The following SHISA6 variants were observed in gnomAD, a reference collection of about 807,000 sequenced individuals.
SHISA6 encodes shisa family member 6.
SHISA6 carries 22 observed loss-of-function variants against 47.9 expected under a neutral mutation model. The ratio of observed to expected loss-of-function variants is 0.46; its 90% CI spans 0.33 to 0.66. The LOEUF is 0.66. Among genes scored for constraint, SHISA6 ranks in the 30% least tolerant of loss-of-function variants. The pLI, the probability that SHISA6 is intolerant of heterozygous loss-of-function variation, is 0.02. For synonymous variants in SHISA6, 388 were observed against 337.8 expected (o/e 1.15, Z -1.63); for missense variants, 680 against 764.6 (o/e 0.89, Z 1.30).
intron 3 of SHISA6, among the ~76,000 whole-genome samples, chr17:11,550,185 G>C (rs909562228): frequency 6.6e-6 from 1 of 152,024 alleles, no homozygotes; most frequent in African/African-American, 2.4e-5. Context: ...CTCCCAAGTA[G>C]CTGGGATTAC....
intron 3 of SHISA6, among the ~76,000 whole-genome samples, chr17:11,524,167 A>G (rs1323220080): frequency 6.6e-6 from 1 of 152,194 alleles, no homozygotes; most frequent in Non-Finnish European, 1.5e-5. Context: ...CACTTCTGCC[A>G]TCTGGTAATA....
intron 3 of SHISA6, among the ~76,000 whole-genome samples, chr17:11,417,023 G>A (rs1425014316): frequency 1.3e-5 from 2 of 152,046 alleles, no homozygotes; most frequent in Non-Finnish European, 2.9e-5. Context: ...AAAATCAAAT[G>A]AAATAATTAA....
At chr17:11,405,758 G>A (rs947096371) in intron 3 of SHISA6, among the ~76,000 whole-genome samples, 1 of 151,618 alleles carries the variant, frequency 6.6e-6, no homozygotes, top group Non-Finnish European at 1.5e-5. Flanking sequence ...TCGAGACCAC[G>A]TTCTAGCCTG....
chr17:11,310,490 A>T (rs989483432), intron 2 of SHISA6, among the ~76,000 whole-genome samples: 12 of 152,158 alleles, frequency 7.9e-5, no homozygotes, highest in African/African-American at 2.9e-4. Flanking sequence ...GAGTTGTTTG[A>T]GGAACATCAA....
At position 11,563,014 on chromosome 17, in the gene SHISA6, ACT is replaced by A. The variant is rs1458279351; in HGVS notation, c.*4711_*4712del. On this transcript the variant is annotated 3_prime_UTR_variant, in exon 6 of 6. Coordinates refer to ENST00000441885, the MANE Select transcript of SHISA6 (RefSeq NM_207386.4). The stretch of plus-strand genomic sequence containing the variant: ...AGACACACCTAAACCATCCTAAGTG[ACT>A]GTGGAATTCTGGGGAATTCTGAGTT... 6.6e-6 allele frequency: 1 copy of A among 150,458 alleles called. No individual in the cohort carries two copies. Among genetic ancestry groups the A allele is most frequent in the African/African-American group, 2.5e-5 (1 of 39,718 alleles). The allele number at this position is 150,458 out of a possible 1,614,324, so 9.3% of individuals were successfully genotyped here.
At chr17:11,466,843 C>A (rs1270609788) in intron 3 of SHISA6, among the ~76,000 whole-genome samples, 1 of 152,176 alleles carries the variant, frequency 6.6e-6, no homozygotes, top group Non-Finnish European at 1.5e-5. Context: ...AGACCACCCC[C>A]TGTAACCCAT....
chr17:11,374,234 G>A (rs780687167), intron 2 of SHISA6, among the ~76,000 whole-genome samples: 10 of 151,852 alleles, frequency 6.6e-5, no homozygotes, highest in Non-Finnish European at 1.2e-4. Context: ...TTTTTTAATT[G>A]GGTTGTTTAC....
intron 2 of SHISA6, among the ~76,000 whole-genome samples, chr17:11,335,943 T>C (rs893960699): frequency 2.6e-5 from 4 of 151,966 alleles, no homozygotes; most frequent in African/African-American, 4.8e-5. Context: ...ACACCTGTAG[T>C]CCCAGCACTT....
At chr17:11,507,883 C>T (rs1203671745) in intron 3 of SHISA6, among the ~76,000 whole-genome samples, 1 of 152,202 alleles carries the variant, frequency 6.6e-6, no homozygotes, top group African/African-American at 2.4e-5. Flanking sequence ...TGTTCAAATT[C>T]CATTTAGTGT....
intron 3 of SHISA6, among the ~76,000 whole-genome samples, chr17:11,482,833 T>G (rs1916253932): frequency 6.6e-6 from 1 of 152,218 alleles, no homozygotes; most frequent in South Asian, 2.1e-4. Context: ...CATTAGGTAC[T>G]GCTTCATTAA....
intron 2 of SHISA6, among the ~76,000 whole-genome samples, chr17:11,314,500 A>T (rs533264542): frequency 1.3e-5 from 2 of 151,054 alleles, no homozygotes; most frequent in East Asian, 3.9e-4. Context: ...TTCACTGTGT[A>T]CTTTTACGTC....
chr17:11,519,289 A>G (rs552869752), intron 3 of SHISA6, among the ~76,000 whole-genome samples: 3 of 152,334 alleles, frequency 2.0e-5, no homozygotes, highest in Admixed American at 2.0e-4. Flanking sequence ...CCATCTCTAC[A>G]ATGGGATATC....
In SHISA6 at chr17:11,558,353, G is replaced by A. The variant is rs2072004927; in HGVS notation, c.*49G>A. On this transcript the variant is annotated 3_prime_UTR_variant, in exon 6 of 6. Coordinates refer to ENST00000441885, the MANE Select transcript of SHISA6 (RefSeq NM_207386.4). ...CTGGGCGTGGCAGAGCAGAGCGGGG[G>A]CCGGGAGGGGCCAGGAGCAGAGCTT... is the stretch of plus-strand genomic sequence containing the variant. 2.7e-6 allele frequency: 4 copies of A among 1,499,680 alleles called. No individual in the cohort carries two copies. Among genetic ancestry groups the A allele is most frequent in the South Asian group, 1.3e-5 (1 of 78,458 alleles). 92.9% of individuals were successfully genotyped at this position (1,499,680 alleles called of 1,614,324 possible).
At chr17:11,534,148 C>CT (rs201633548) in intron 3 of SHISA6, among the ~76,000 whole-genome samples, 3,821 of 101,006 alleles carry the variant, frequency 0.038, 70 homozygotes, top group Non-Finnish European at 0.054. Flanking sequence ...CCTTGCTAAT[C>CT]TTTTTTTTCT....
At chr17:11,525,492 G>T (rs1788358223) in intron 3 of SHISA6, among the ~76,000 whole-genome samples, 1 of 151,782 alleles carries the variant, frequency 6.6e-6, no homozygotes, top group South Asian at 2.1e-4. Flanking sequence ...AATTAGCTGG[G>T]CGTGGTGGCA....
At position 11,557,652 on chromosome 17, in the gene SHISA6, T is replaced by C. The variant is rs115441102; in HGVS notation, c.1106-102T>C. 1.9e-4 allele frequency: 227 copies of C among 1,164,222 alleles called. No individual in the cohort carries two copies. In the African/African-American group the frequency reaches 3.2e-3, roughly 16 times the overall value. The allele number at this position is 1,164,222 out of a possible 1,614,324, so 72.1% of individuals were successfully genotyped here. A position where few individuals can be genotyped will look rare whatever the true frequency, so the allele number is the denominator to read the frequency against. On this transcript the variant is annotated intron_variant, in intron 5 of 5. Transcript: ENST00000441885. ...AGTTTGACTGTATTATCCCTTAAGG[T>C]TGACAGGTCTGTGATGGAGCAGGAG...
intron 3 of SHISA6, among the ~76,000 whole-genome samples, chr17:11,547,318 A>G (rs149348129): frequency 1.9e-3 from 284 of 152,356 alleles, no homozygotes; most frequent in African/African-American, 5.5e-3. Context: ...ATATTAGTCC[A>G]CAAAGGAAAT....
At chr17:11,256,095 C>A (rs1907997159) in intron 1 of SHISA6, among the ~76,000 whole-genome samples, 1 of 152,226 alleles carries the variant, frequency 6.6e-6, no homozygotes, top group South Asian at 2.1e-4. Flanking sequence ...GGCCAGCATT[C>A]CAACTTAGGC....
chr17:11,269,877 A>G (rs1162882652), intron 2 of SHISA6, among the ~76,000 whole-genome samples: 3 of 152,174 alleles, frequency 2.0e-5, no homozygotes, highest in African/African-American at 7.2e-5. Context: ...AAAGCGAGAC[A>G]ATTTTAAGTC....
Sources: allele counts gnomAD v4.1 joint callset (sites outside exome capture counted in the v4.1 genomes callset), GRCh38; gene constraint gnomAD v4.1.1; transcripts MANE v1.5; gene names NCBI Gene and HGNC (gene_info 2026-07-23, HGNC 2026-07-21).